The following AGTPBP1 variants were observed in gnomAD, a reference collection of about 807,000 sequenced individuals.
AGTPBP1 encodes ATP/GTP binding carboxypeptidase 1.
Under a neutral mutation model 143.9 loss-of-function variants are expected in AGTPBP1, and 70 were observed. The ratio of observed to expected loss-of-function variants is 0.49; its 90% CI spans 0.40 to 0.59. The LOEUF (loss-of-function observed/expected upper bound fraction) is 0.59. Among genes scored for constraint, AGTPBP1 ranks in the 20% least tolerant of loss-of-function variants. The pLI, the probability that AGTPBP1 is intolerant of heterozygous loss-of-function variation, is 0.00. For synonymous variants in AGTPBP1, 463 were observed against 500.2 expected (o/e 0.93, Z 0.99); for missense variants, 1,229 against 1,464.5 (o/e 0.84, Z 2.62).
At chr9:85,782,856 T>C in the AGTPBP1 span, among the ~76,000 whole-genome samples, 1 of 152,258 alleles carries the variant, frequency 6.6e-6, no homozygotes. Context: ...CTCATTTACT[T>C]GAAATACTGC....
intron 18 of AGTPBP1, among the ~76,000 whole-genome samples, chr9:85,595,314 T>A (rs186605453): frequency 1.3e-5 from 2 of 152,176 alleles, no homozygotes; most frequent in East Asian, 3.9e-4. Context: ...AAGTCAAAAT[T>A]CACCATACAG....
At chr9:85,671,325 C>T (rs1329347558) in intron 7 of AGTPBP1, among the ~76,000 whole-genome samples, 1 of 151,682 alleles carries the variant, frequency 6.6e-6, no homozygotes, top group African/African-American at 2.4e-5. Context: ...TTCCTTTTAC[C>T]TTTACTATTT....
intron 24 of AGTPBP1, among the ~76,000 whole-genome samples, chr9:85,578,492 C>T (rs1309243477): frequency 6.6e-6 from 1 of 152,036 alleles, no homozygotes; most frequent in Non-Finnish European, 1.5e-5. Flanking sequence ...AATAGCTACA[C>T]ATACAAAAAC....
At chr9:85,611,070 T>C (rs1006538467) in intron 17 of AGTPBP1, among the ~76,000 whole-genome samples, 48 of 151,686 alleles carry the variant, frequency 3.2e-4, no homozygotes, top group African/African-American at 1.1e-3. Flanking sequence ...GGAATCTCTA[T>C]TAAACTTAAG....
chr9:85,706,913 A>G (rs1362314706), intron 2 of AGTPBP1, among the ~76,000 whole-genome samples: 1 of 152,128 alleles, frequency 6.6e-6, no homozygotes, highest in Non-Finnish European at 1.5e-5. Context: ...ATCCTCAATT[A>G]AAAGACAGAG....
intron 25 of AGTPBP1, among the ~76,000 whole-genome samples, chr9:85,560,620 A>G (rs1436061513): frequency 6.6e-6 from 1 of 152,194 alleles, no homozygotes; most frequent in Non-Finnish European, 1.5e-5. Flanking sequence ...GTCTTTGTAG[A>G]TAGATATTTT....
At chr9:85,641,057 A>T (rs889420308) in intron 13 of AGTPBP1, among the ~76,000 whole-genome samples, 3 of 152,218 alleles carry the variant, frequency 2.0e-5, no homozygotes, top group Non-Finnish European at 2.9e-5. Context: ...ACGTATCCAC[A>T]GTATCTATGC....
At chr9:85,779,202 TATAGATATAGATATAG>T in the AGTPBP1 span, among the ~76,000 whole-genome samples, 9 of 98,330 alleles carry the variant, frequency 9.2e-5, no homozygotes, top group Non-Finnish European at 2.0e-4. Context: ...TAGATATAGA[TATAGATATAGATATAG>T]ATATAGATAT....
intron 11 of AGTPBP1, 121 bp downstream of exon 11, chr9:85,655,018 GTGAA>G (rs1833407854): frequency 1.2e-6 from 1 of 827,970 alleles, no homozygotes; most frequent in Non-Finnish European, 1.8e-6. Context: ...AAAATAAAAT[GTGAA>G]TGTTTATCAC....
At chr9:85,635,190 T>A (rs1416142516) in intron 13 of AGTPBP1, among the ~76,000 whole-genome samples, 1 of 152,210 alleles carries the variant, frequency 6.6e-6, no homozygotes, top group Non-Finnish European at 1.5e-5. Flanking sequence ...AACCCATTTT[T>A]TGAAAATATT....
the AGTPBP1 span, chr9:85,770,220 G>C: frequency 9.6e-7 from 1 of 1,042,662 alleles, no homozygotes; most frequent in Admixed American, 2.1e-5. Flanking sequence ...AGTAGTATCT[G>C]AGTATATGAC....
intron 2 of AGTPBP1, among the ~76,000 whole-genome samples, chr9:85,706,012 T>C (rs926690820): frequency 6.6e-6 from 1 of 151,272 alleles, no homozygotes; most frequent in Non-Finnish European, 1.5e-5. Context: ...TTATACTATG[T>C]AGGAAGTGAT....
At chr9:85,703,128 C>T (rs1160937258) in intron 2 of AGTPBP1, among the ~76,000 whole-genome samples, 1 of 152,172 alleles carries the variant, frequency 6.6e-6, no homozygotes, top group African/African-American at 2.4e-5. Context: ...CATTTGGCAG[C>T]CTTTACATGT....
intron 3 of AGTPBP1, among the ~76,000 whole-genome samples, chr9:85,682,441 G>A (rs1835248603): frequency 6.6e-6 from 1 of 152,158 alleles, no homozygotes; most frequent in Non-Finnish European, 1.5e-5. Context: ...AAGTCGCTGA[G>A]CAAACAAGTG....
At chr9:85,758,559 A>C in the AGTPBP1 span, among the ~76,000 whole-genome samples, 1,305 of 152,182 alleles carry the variant, frequency 8.6e-3, 23 homozygotes, top group African/African-American at 0.03. Flanking sequence ...CAGGAGAATC[A>C]CTTGAACCTG....
At chr9:85,641,624 G>A (rs1345047188) in intron 13 of AGTPBP1, among the ~76,000 whole-genome samples, 6 of 152,100 alleles carry the variant, frequency 3.9e-5, no homozygotes, top group African/African-American at 1.4e-4. Context: ...ATCTTTTATG[G>A]CATCTAAGGC....
Position 85,619,236 on chromosome 9 carries a change from C to T in AGTPBP1, c.2165G>A (p.Arg722His), listed in dbSNP as rs951175434. ...FNSKFESGNL[R>H]KVIQIRKNEY... ...TTACTTTCTAATTTGAATTACTTTG[C>T]GCAGATTCCCAGACTCAAATTTGGA... The change falls in exon 16 of 26, where the codon CGC becomes CAC. Residue 722 changes from arginine to histidine, a missense_variant. Physicochemically the swap from Arg to His is conservative, Grantham distance 29. Coordinates refer to ENST00000357081, the MANE Select transcript of AGTPBP1 (RefSeq NM_001330701.2). 3 of 1,613,172 alleles carry T rather than the reference C, an allele frequency of 1.9e-6. No homozygotes were observed. Among genetic ancestry groups the T allele is most frequent in the East Asian group, 2.2e-5 (1 of 44,766 alleles).
chr9:85,788,426 C>T, the AGTPBP1 span, among the ~76,000 whole-genome samples: 992 of 149,374 alleles, frequency 6.6e-3, 15 homozygotes, highest in African/African-American at 0.023. Context: ...TATATATACA[C>T]TTGTACCTAT....
At chr9:85,744,626 G>T (rs970394579), upstream of AGTPBP1, among the ~76,000 whole-genome samples, 1 of 152,186 alleles carries the variant, frequency 6.6e-6, no homozygotes, top group East Asian at 1.9e-4. Flanking sequence ...GTTGAATGCA[G>T]GGGCTTTTAC....
Sources: allele counts gnomAD v4.1 joint callset (sites outside exome capture counted in the v4.1 genomes callset), GRCh38; gene constraint gnomAD v4.1.1; transcripts MANE v1.5; gene names NCBI Gene and HGNC (gene_info 2026-07-23, HGNC 2026-07-21).